Variants in ITGA2 observed in about 807,000 individuals in gnomAD.
The protein encoded by ITGA2 is integrin subunit alpha 2, also known as integrin alpha-2.
A neutral mutation model predicts 146.3 loss-of-function variants in ITGA2; 101 were observed. The observed-to-expected ratio is 0.69, with a 90% CI of 0.59 to 0.81. The LOEUF (loss-of-function observed/expected upper bound fraction) is 0.81. Ranked by LOEUF, ITGA2 falls within the 40% of genes least tolerant of loss-of-function variation. The probability of loss-of-function intolerance (pLI) is 0.00; values close to 1 mark genes in which losing one functional copy is unlikely to be tolerated. For missense variants in ITGA2, 1,281 were observed against 1,402.7 expected, an observed-to-expected ratio of 0.91 and a Z score of 1.39; for synonymous variants, 477 against 487.1, an observed-to-expected ratio of 0.98 and a Z score of 0.27.
chr5:53,006,654 A>G (rs1231551925), intron 1 of ITGA2, among the ~76,000 whole-genome samples: 1 of 152,192 alleles, frequency 6.6e-6, no homozygotes, highest in Non-Finnish European at 1.5e-5. Context: ...TGGGGAATAT[A>G]TCAGTGAACA....
intron 1 of ITGA2, among the ~76,000 whole-genome samples, chr5:53,008,292 A>T (rs772126171): frequency 2.7e-5 from 4 of 149,720 alleles, no homozygotes; most frequent in African/African-American, 4.9e-5. Flanking sequence ...TGAGAGAGAA[A>T]GATCTCTGGT....
intron 1 of ITGA2, among the ~76,000 whole-genome samples, chr5:53,015,190 G>A (rs1407734644): frequency 1.3e-5 from 2 of 152,050 alleles, no homozygotes; most frequent in African/African-American, 2.4e-5. Flanking sequence ...GTGATATTAG[G>A]TTGTTAATTT....
At chr5:53,085,044 T>C (rs1328315258) in intron 27 of ITGA2, among the ~76,000 whole-genome samples, 2 of 152,176 alleles carry the variant, frequency 1.3e-5, no homozygotes, top group African/African-American at 4.8e-5. Context: ...CATACAAGGA[T>C]TGTGTCAAGT....
chr5:53,090,651 C>T lies in ITGA2; in HGVS notation c.*52C>T, dbSNP rs775309869. On this transcript the variant is annotated 3_prime_UTR_variant, in exon 30 of 30. Coordinates refer to ENST00000296585, the MANE Select transcript of ITGA2 (RefSeq NM_002203.4). ...CCGGCAGCATCCCAGCCAGGGTTTG[C>T]TGTTTGCGTGAATGGATTTCTTTTT... 4 of 1,401,556 alleles carry T rather than the reference C, an allele frequency of 2.9e-6. No individual in the cohort carries two copies. The South Asian group carries it at 4.6e-5, about 16-fold the overall frequency. 86.8% of individuals were successfully genotyped at this position (1,401,556 alleles called of 1,614,324 possible).
intron 1 of ITGA2, among the ~76,000 whole-genome samples, chr5:53,004,423 TA>T (rs928664449): frequency 1.3e-4 from 19 of 151,910 alleles, no homozygotes; most frequent in South Asian, 4.2e-4. Context: ...GAATATTATT[TA>T]AAAAAAAATC....
intron 1 of ITGA2, among the ~76,000 whole-genome samples, chr5:52,993,202 C>G (rs1016580490): frequency 6.6e-6 from 1 of 152,186 alleles, no homozygotes; most frequent in Non-Finnish European, 1.5e-5. Context: ...TAAACCACCT[C>G]TCTGGTCTCA....
chr5:52,992,104 C>T (rs1740988130), intron 1 of ITGA2, among the ~76,000 whole-genome samples: 1 of 152,142 alleles, frequency 6.6e-6, no homozygotes, highest in Admixed American at 6.5e-5. Flanking sequence ...AATGTAACTT[C>T]CCCTCAGTCT....
chr5:52,996,312 C>T (rs922191724), intron 1 of ITGA2, among the ~76,000 whole-genome samples: 3 of 152,160 alleles, frequency 2.0e-5, no homozygotes, highest in Admixed American at 6.5e-5. Context: ...AGATTCATTG[C>T]ACAAGAGAAA....
chr5:53,058,185 G>T, intron 10 of ITGA2, 84 bp downstream of exon 10: 1 of 1,005,142 alleles, frequency 9.9e-7, no homozygotes, highest in Non-Finnish European at 1.6e-6. Flanking sequence ...AAAATGGGAA[G>T]ACAGCCATCT....
In ITGA2 at chr5:53,051,620, A is replaced by G. The variant is rs995662864; in HGVS notation, c.779+61A>G. On this transcript the variant is annotated intron_variant, in intron 7 of 29. Coordinates refer to ENST00000296585, the MANE Select transcript of ITGA2 (RefSeq NM_002203.4). ...ATGTAAAACATTATATTTATGTAAT[A>G]AATATGAAAAAGTAAGGAAAAGACA... 1.1e-5 allele frequency: 16 copies of G among 1,509,892 alleles called. No homozygotes were observed. The African/African-American group carries it at 2.2e-4, about 21-fold the overall frequency. 93.5% of individuals were successfully genotyped at this position (1,509,892 alleles called of 1,614,324 possible).
chr5:53,050,338 T>C (rs370209250), intron 6 of ITGA2, among the ~76,000 whole-genome samples: 4 of 152,186 alleles, frequency 2.6e-5, no homozygotes, highest in South Asian at 4.1e-4. Context: ...TTTTCTTCTT[T>C]TTCACACAGA....
At chr5:53,088,483 C>T (rs1421495136) in intron 28 of ITGA2, among the ~76,000 whole-genome samples, 1 of 151,910 alleles carries the variant, frequency 6.6e-6, no homozygotes, top group South Asian at 2.1e-4. Flanking sequence ...GTTGGGAGTT[C>T]GAGACCAGCT....
chr5:53,065,997 A>C lies in ITGA2; in HGVS notation c.1943+20A>C. On this transcript the variant is annotated intron_variant, in intron 15 of 29. Coordinates refer to ENST00000296585, the MANE Select transcript of ITGA2 (RefSeq NM_002203.4). ...ACTCTGGTGAGTCAGGAAGAGCCAG[A>C]CACAAACTAACTAAAAATTACCTGC... 1 of 1,610,670 alleles carries C rather than the reference A, an allele frequency of 6.2e-7. No individual in the cohort carries two copies. The highest frequency in any genetic ancestry group is 8.5e-7 in the Non-Finnish European group (1 of 1,177,482).
At chr5:53,032,473 G>A (rs1273473524) in intron 2 of ITGA2, among the ~76,000 whole-genome samples, 1 of 152,072 alleles carries the variant, frequency 6.6e-6, no homozygotes, top group Admixed American at 6.5e-5. Context: ...TGAGAGGAGT[G>A]TGACTCAGAA....
intron 1 of ITGA2, among the ~76,000 whole-genome samples, chr5:53,001,180 G>A (rs1561279193): frequency 6.6e-6 from 1 of 152,052 alleles, no homozygotes; most frequent in African/African-American, 2.4e-5. Flanking sequence ...GGAATTACAG[G>A]TGTGAGCCAC....
At chr5:53,038,944 A>G (rs12523395) in intron 2 of ITGA2, among the ~76,000 whole-genome samples, 20,163 of 152,030 alleles carry the variant, frequency 0.13, 1,382 homozygotes, top group South Asian at 0.15. Flanking sequence ...AGTGCAAAAG[A>G]TAGCTGGGCA....
intron 19 of ITGA2, 35 bp from the exon 20 acceptor site, chr5:53,073,083 A>G (rs752915449): frequency 1.9e-6 from 3 of 1,605,694 alleles, no homozygotes; most frequent in East Asian, 4.5e-5. Flanking sequence ...ATTTAACAGT[A>G]ATGGCTTTTC....
At chr5:53,034,424 T>C (rs967967507) in intron 2 of ITGA2, among the ~76,000 whole-genome samples, 10 of 151,798 alleles carry the variant, frequency 6.6e-5, no homozygotes, top group Non-Finnish European at 8.8e-5. Flanking sequence ...AAAAAAAATC[T>C]ATAGTAGGAA....
At chr5:53,002,899 G>C (rs1236945600) in intron 1 of ITGA2, among the ~76,000 whole-genome samples, 1 of 151,796 alleles carries the variant, frequency 6.6e-6, no homozygotes, top group Non-Finnish European at 1.5e-5. Context: ...TATTCATGAG[G>C]GTGCATTTTT....
Sources: gnomAD v4.1 joint callset for allele counts (sites outside exome capture counted in the v4.1 genomes callset) on GRCh38, gnomAD v4.1.1 for gene constraint, MANE v1.5 for transcripts, NCBI Gene and HGNC (gene_info 2026-07-23, HGNC 2026-07-21) for gene names.